The following PRKCB variants were observed in gnomAD, a reference collection of about 807,000 sequenced individuals.
PRKCB encodes the protein protein kinase C beta type.
PRKCB carries 13 observed loss-of-function variants against 81.5 expected under a neutral mutation model. The observed-to-expected ratio is 0.16, with a 90% confidence interval of 0.10 to 0.25. The LOEUF (loss-of-function observed/expected upper bound fraction) is 0.25, where lower values mean the gene tolerates loss of function less well. PRKCB is among the 10% of genes least tolerant of loss of function. The probability of loss-of-function intolerance (pLI) is 1.00; values close to 1 mark genes in which losing one functional copy is unlikely to be tolerated. For missense variants in PRKCB, 509 were observed against 875.7 expected, an observed-to-expected ratio of 0.58 and a Z score of 5.29; for synonymous variants, 335 against 321.4, an observed-to-expected ratio of 1.04 and a Z score of -0.45.
At chr16:24,014,680 G>A (rs1329464041) in intron 3 of PRKCB, among the ~76,000 whole-genome samples, 2 of 152,150 alleles carry the variant, frequency 1.3e-5, no homozygotes, top group Non-Finnish European at 2.9e-5. Context: ...ATTATATTCA[G>A]CAAACACTTG....
intron 2 of PRKCB, among the ~76,000 whole-genome samples, chr16:23,885,180 T>C (rs1362425446): frequency 6.6e-6 from 1 of 152,216 alleles, no homozygotes; most frequent in East Asian, 1.9e-4. Flanking sequence ...CTGCTACCCT[T>C]TACTCTTATT....
chr16:23,956,094 CA>C (rs1179499705), intron 2 of PRKCB, among the ~76,000 whole-genome samples: 4 of 151,642 alleles, frequency 2.6e-5, no homozygotes, highest in Admixed American at 2.0e-4. Flanking sequence ...TACGAATAAA[CA>C]AAAAAAGAGA....
chr16:24,068,751 A>T (rs1416384591), intron 5 of PRKCB, among the ~76,000 whole-genome samples: 1 of 152,250 alleles, frequency 6.6e-6, no homozygotes, highest in Non-Finnish European at 1.5e-5. Flanking sequence ...TAATTTTGGG[A>T]TAAGATCTAA....
intron 5 of PRKCB, among the ~76,000 whole-genome samples, chr16:24,079,869 A>G (rs1466163662): frequency 6.6e-6 from 1 of 152,224 alleles, no homozygotes; most frequent in East Asian, 1.9e-4. Context: ...GGCTGTTGGT[A>G]TATTTATTAC....
At chr16:23,884,701 AT>A (rs546648862) in intron 2 of PRKCB, among the ~76,000 whole-genome samples, 2 of 151,952 alleles carry the variant, frequency 1.3e-5, no homozygotes, top group Admixed American at 1.3e-4. Flanking sequence ...TGCCTGGCTA[AT>A]TTTTTTATTT....
At position 24,218,487 on chromosome 16, in the gene PRKCB, T is replaced by C. The variant is rs1399695803; in HGVS notation, c.*3671T>C. 1.0e-6 allele frequency: 1 copy of C among 985,336 alleles called. No homozygotes were observed. The highest frequency in any genetic ancestry group is 1.2e-6 in the Non-Finnish European group (1 of 829,978). The allele number at this position is 985,336 out of a possible 1,614,324, so 61.0% of individuals were successfully genotyped here. A position where few individuals can be genotyped will look rare whatever the true frequency, so the allele number is the denominator to read the frequency against. On this transcript the variant is annotated 3_prime_UTR_variant, in exon 17 of 17. Coordinates refer to ENST00000643927, the MANE Select transcript of PRKCB (RefSeq NM_002738.7). Reference sequence around the variant, plus strand: ...CACTCTAGCCACACATACCCACGTGTGCTCCTGAGTTCAGTGTGCCCACCT... The same window carrying C: ...CACTCTAGCCACACATACCCACGTGCGCTCCTGAGTTCAGTGTGCCCACCT...
chr16:23,959,266 C>T (rs1964392217), intron 2 of PRKCB, among the ~76,000 whole-genome samples: 1 of 152,194 alleles, frequency 6.6e-6, no homozygotes, highest in South Asian at 2.1e-4. Context: ...GGTGATTCGT[C>T]ATCATTCTCC....
intron 9 of PRKCB, among the ~76,000 whole-genome samples, chr16:24,134,503 T>C (rs534442947): frequency 1.3e-5 from 2 of 152,172 alleles, no homozygotes; most frequent in East Asian, 3.9e-4. Context: ...TTGCAGCACT[T>C]TGGGAGGCTG....
intron 2 of PRKCB, among the ~76,000 whole-genome samples, chr16:23,985,790 G>A (rs1964795776): frequency 6.6e-6 from 1 of 152,190 alleles, no homozygotes; most frequent in South Asian, 2.1e-4. Flanking sequence ...TAAGGATAAT[G>A]AGGGTGGACT....
chr16:23,842,944 C>T (rs1962292669), intron 2 of PRKCB, among the ~76,000 whole-genome samples: 1 of 152,050 alleles, frequency 6.6e-6, no homozygotes, highest in African/African-American at 2.4e-5. Context: ...TTCTTTTTCC[C>T]ATGTAGATTA....
chr16:23,915,789 A>G (rs982841282), intron 2 of PRKCB, among the ~76,000 whole-genome samples: 18 of 151,868 alleles, frequency 1.2e-4, no homozygotes, highest in African/African-American at 3.9e-4. Context: ...ATGATAGAAC[A>G]ATTAGAAAAT....
At chr16:24,130,033 A>G (rs1031688324) in intron 9 of PRKCB, among the ~76,000 whole-genome samples, 1 of 152,204 alleles carries the variant, frequency 6.6e-6, no homozygotes, top group Non-Finnish European at 1.5e-5. Flanking sequence ...ACGCTTTTTT[A>G]ATGCATTTCA....
intron 2 of PRKCB, among the ~76,000 whole-genome samples, chr16:23,973,104 C>T (rs1964580155): frequency 6.6e-6 from 1 of 152,092 alleles, no homozygotes; most frequent in Non-Finnish European, 1.5e-5. Flanking sequence ...TGGGGTCATA[C>T]AGTGAGCATG....
chr16:23,966,804 C>G (rs1203859782), intron 2 of PRKCB, among the ~76,000 whole-genome samples: 5 of 152,176 alleles, frequency 3.3e-5, no homozygotes, highest in Non-Finnish European at 7.4e-5. Flanking sequence ...TGTTCTGCAT[C>G]TGGGGACACA....
At chr16:24,046,164 G>A (rs1290429468) in intron 5 of PRKCB, among the ~76,000 whole-genome samples, 4 of 152,260 alleles carry the variant, frequency 2.6e-5, no homozygotes, top group Non-Finnish European at 5.9e-5. Flanking sequence ...GAGCTTCCTA[G>A]TCATTAGCCT....
chr16:23,942,025 CA>C (rs1369614182), intron 2 of PRKCB, among the ~76,000 whole-genome samples: 5 of 152,170 alleles, frequency 3.3e-5, no homozygotes, highest in African/African-American at 7.2e-5. Context: ...ACTATTAGTA[CA>C]AATAACAGAA....
At chr16:24,133,177 A>G (rs931055567) in intron 9 of PRKCB, among the ~76,000 whole-genome samples, 4 of 152,084 alleles carry the variant, frequency 2.6e-5, no homozygotes, top group African/African-American at 9.7e-5. Context: ...CAGGAGATGG[A>G]GCAACAAAGG....
At chr16:23,848,827 C>T (rs1052985082) in intron 2 of PRKCB, among the ~76,000 whole-genome samples, 1 of 152,116 alleles carries the variant, frequency 6.6e-6, no homozygotes, top group African/African-American at 2.4e-5. Context: ...TTCTTAGCAC[C>T]CTACCTGACA....
intron 10 of PRKCB, among the ~76,000 whole-genome samples, chr16:24,167,357 A>G (rs913894572): frequency 6.6e-6 from 1 of 152,054 alleles, no homozygotes; most frequent in South Asian, 2.1e-4. Flanking sequence ...TTTTCTAAAA[A>G]TTAGTCAGTG....
Sources: allele counts gnomAD v4.1 joint callset (sites outside exome capture counted in the v4.1 genomes callset), GRCh38; gene constraint gnomAD v4.1.1; transcripts MANE v1.5; gene names NCBI Gene and HGNC (gene_info 2026-07-23, HGNC 2026-07-21).